LPIN2: variants seen among roughly 807,000 people sequenced by gnomAD.
The protein encoded by LPIN2 is phosphatidate phosphatase LPIN2.
Under a neutral mutation model 111.4 loss-of-function variants are expected in LPIN2, and 55 were observed. The observed-to-expected ratio is 0.49, with a 90% CI of 0.40 to 0.62. The LOEUF (loss-of-function observed/expected upper bound fraction) is 0.62. Ranked by LOEUF, LPIN2 falls within the 20% of genes least tolerant of loss-of-function variation. The pLI is 0.00. For missense variants in LPIN2, 992 were observed against 1,112.1 expected, an observed-to-expected ratio of 0.89 and a Z score of 1.54; for synonymous variants, 425 against 414.0, an observed-to-expected ratio of 1.03 and a Z score of -0.32.
intron 1 of LPIN2, among the ~76,000 whole-genome samples, chr18:2,988,966 G>A (rs2078224824): frequency 6.6e-6 from 1 of 152,134 alleles, no homozygotes. Flanking sequence ...TATACTTCAA[G>A]TACAACATAG....
At chr18:2,971,596 A>G (rs2077913024) in intron 1 of LPIN2, among the ~76,000 whole-genome samples, 1 of 152,208 alleles carries the variant, frequency 6.6e-6, no homozygotes, top group Non-Finnish European at 1.5e-5. Context: ...TGGATCAATG[A>G]ATGGACCAAT....
At chr18:2,960,904 C>CA in intron 1 of LPIN2, 55 bp from the exon 2 acceptor site, 1 of 1,421,044 alleles carries the variant, frequency 7.0e-7, no homozygotes, top group Non-Finnish European at 9.8e-7. Context: ...GATCTATTGA[C>CA]AAAGAAATAA....
intron 4 of LPIN2, among the ~76,000 whole-genome samples, chr18:2,944,183 T>C (rs946748524): frequency 1.3e-5 from 2 of 151,510 alleles, no homozygotes; most frequent in East Asian, 1.9e-4. Flanking sequence ...TAAAGCACAA[T>C]ATATAATCAA....
At chr18:2,927,904 G>C in intron 11 of LPIN2, 93 bp from the exon 12 acceptor site, 1 of 1,027,316 alleles carries the variant, frequency 9.7e-7, no homozygotes, top group Non-Finnish European at 1.5e-6. Flanking sequence ...CCTTACTATG[G>C]AATGTGAGAA....
intron 1 of LPIN2, chr18:2,967,670 G>GT (rs2077829505): frequency 6.6e-6 from 1 of 152,196 alleles, no homozygotes; most frequent in Non-Finnish European, 1.5e-5. Flanking sequence ...GCAGTCTAGG[G>GT]TAAGTTGAAA....
intron 1 of LPIN2, among the ~76,000 whole-genome samples, chr18:2,963,243 C>T (rs1200567489): frequency 1.3e-5 from 2 of 152,220 alleles, no homozygotes; most frequent in African/African-American, 4.8e-5. Context: ...GGGAAAGAGG[C>T]TTCCTCACCG....
At chr18:2,947,391 G>A (rs2077470036) in intron 4 of LPIN2, among the ~76,000 whole-genome samples, 1 of 152,114 alleles carries the variant, frequency 6.6e-6, no homozygotes, top group Non-Finnish European at 1.5e-5. Context: ...CCTCTAGAAG[G>A]ACAAACAAGG....
At chr18:2,988,157 T>C (rs2078214701) in intron 1 of LPIN2, among the ~76,000 whole-genome samples, 1 of 152,002 alleles carries the variant, frequency 6.6e-6, no homozygotes, top group Admixed American at 6.6e-5. Flanking sequence ...TGGTCAGCTC[T>C]CTCTCCAAAT....
chr18:2,980,131 C>CAGAAAATGTTTGTCTCA (rs2078085124), intron 1 of LPIN2, among the ~76,000 whole-genome samples: 1 of 152,130 alleles, frequency 6.6e-6, no homozygotes, highest in African/African-American at 2.4e-5. Flanking sequence ...AAATGGAACT[C>CAGAAAATGTTTGTCTCA]AGAAAATGTT....
rs1414822407 is a variant in LPIN2 at position 2,973,939 on chromosome 18, A to AT, written c.-9-13091dup. Among the ~76,000 whole-genome samples, 3 of 152,260 alleles carry AT rather than the reference A, an allele frequency of 2.0e-5. No individual in the cohort carries two copies. In the East Asian group the frequency reaches 5.8e-4, roughly 29 times the overall value. Reference sequence around the variant, plus strand: ...GATTTTAGAGCATTTTGGATTTCAGATTTTTGGATTAGGGATGCTCATTCT... The same window carrying AT: ...GATTTTAGAGCATTTTGGATTTCAGATTTTTTGGATTAGGGATGCTCATTCT... On this transcript the variant is annotated intron_variant, in intron 1 of 19. Transcript: ENST00000677752.
rs751577526 is a variant in LPIN2, at chr18:2,925,406, G to A, written c.1794-38C>T. On this transcript the variant is annotated intron_variant, in intron 13 of 19. Transcript: ENST00000677752. The surrounding 1 kb of genome is among the most constrained non-coding windows in gnomAD (Gnocchi z 4.1). ...AGCCCAGTTACGGAAGAGGCAGCAGGGCATTTTATTGATGAGAGCTTTTCA... is the reference window on the plus strand; with the variant it reads ...AGCCCAGTTACGGAAGAGGCAGCAGAGCATTTTATTGATGAGAGCTTTTCA... The A allele has an allele frequency of 4.3e-6, 7 of 1,613,406 alleles. No individual in the cohort carries two copies. In the East Asian group the frequency reaches 6.7e-5, roughly 15 times the overall value.
chr18:2,952,910 T>A (rs2077558681), intron 3 of LPIN2, among the ~76,000 whole-genome samples: 1 of 152,186 alleles, frequency 6.6e-6, no homozygotes, highest in Non-Finnish European at 1.5e-5. Flanking sequence ...TTGAAAAGAA[T>A]GTTGATGACA....
intron 9 of LPIN2, among the ~76,000 whole-genome samples, chr18:2,930,047 A>C (rs2077191849): frequency 6.6e-6 from 1 of 152,212 alleles, no homozygotes; most frequent in Admixed American, 6.5e-5. Context: ...AGAGTGAATG[A>C]GGGCTTCCCA....
chr18:3,008,734 T>C (rs1175411793), intron 1 of LPIN2, among the ~76,000 whole-genome samples: 3 of 152,122 alleles, frequency 2.0e-5, no homozygotes, highest in Admixed American at 6.5e-5. Flanking sequence ...TGTATTTATT[T>C]ATTCAGACTC....
rs149269332 is a variant in LPIN2 at position 2,962,970 on chromosome 18, C to T, written c.-9-2121G>A. On this transcript the variant is annotated intron_variant, in intron 1 of 19. Coordinates refer to ENST00000677752, the MANE Select transcript of LPIN2 (RefSeq NM_001375808.2). ...CATAAAATTCATAATTAAGTGTAAC[C>T]GTACCTATTCAAGATTATTTTAACT... Among the ~76,000 whole-genome samples the T allele has an allele frequency of 6.5e-3, 992 of 152,258 alleles. 14 individuals are homozygous for T. The highest frequency in any genetic ancestry group is 0.022 in the African/African-American group (925 of 41,554).
intron 2 of LPIN2, 84 bp downstream of exon 2, chr18:2,960,565 G>C: frequency 7.4e-7 from 1 of 1,360,454 alleles, no homozygotes; most frequent in Non-Finnish European, 1.0e-6. Context: ...ATTCATAGAG[G>C]ATGACTTTTC....
Position 2,926,749 on chromosome 18 carries a change from G to A in LPIN2, c.1767C>T (p.Ser589=). 1 of 1,613,576 alleles carries A rather than the reference G, an allele frequency of 6.2e-7. No homozygotes were observed. Among genetic ancestry groups the A allele is most frequent in the Non-Finnish European group, 8.5e-7 (1 of 1,180,002 alleles). The part of the protein sequence containing the change: ...SEAPPASDLP[S]SSKEPAGARP... ...TGGCACCGGCCGGCTCCTTGGAGCT[G>A]GATGGCAGGTCACTGGCTGGCGGTG... Residue 589 remains serine (S), a synonymous_variant, in exon 13 of 20, where the codon TCC becomes TCT. Coordinates refer to ENST00000677752, the MANE Select transcript of LPIN2 (RefSeq NM_001375808.2).
At chr18:3,011,181 A>G (rs2078596433) in intron 1 of LPIN2, among the ~76,000 whole-genome samples, 1 of 152,174 alleles carries the variant, frequency 6.6e-6, no homozygotes, top group South Asian at 2.1e-4. Context: ...CCTAGCAATA[A>G]AGAAGACAAA....
chr18:2,958,423 C>T (rs1457173245), intron 2 of LPIN2, among the ~76,000 whole-genome samples: 4 of 151,978 alleles, frequency 2.6e-5, no homozygotes, highest in South Asian at 4.1e-4. Flanking sequence ...TAGGTACACC[C>T]GTATTTGAAA....
Sources: gnomAD v4.1 joint callset for allele counts (sites outside exome capture counted in the v4.1 genomes callset) on GRCh38, gnomAD v4.1.1 for gene constraint, Gnocchi (gnomAD v3.1) non-coding constraint, MANE v1.5 for transcripts, NCBI Gene and HGNC (gene_info 2026-07-23, HGNC 2026-07-21) for gene names.